CDK6: variants seen among roughly 807,000 people sequenced by gnomAD.
CDK6 encodes the protein cyclin-dependent kinase 6.
In CDK6, 6 loss-of-function variants were observed where a neutral mutation model predicts 37.1. The observed-to-expected ratio is 0.16, with a 90% CI of 0.09 to 0.32. CDK6 has a LOEUF of 0.32. Ranked by LOEUF, CDK6 falls within the 10% of genes least tolerant of loss-of-function variation. CDK6 has a pLI of 1.00. For missense variants in CDK6, 224 were observed against 418.9 expected (o/e 0.53, Z 4.06); for synonymous variants, 160 against 161.3 (o/e 0.99, Z 0.06).
intron 4 of CDK6, among the ~76,000 whole-genome samples, chr7:92,713,667 T>TAAAAAAAA (rs535072218): frequency 5.1e-4 from 34 of 67,180 alleles, no homozygotes; most frequent in East Asian, 1.2e-3. Flanking sequence ...TTAAAAAAAG[T>TAAAAAAAA]AAAAAAAAAA....
At chr7:92,697,862 A>T (rs1797756197) in intron 4 of CDK6, among the ~76,000 whole-genome samples, 1 of 152,216 alleles carries the variant, frequency 6.6e-6, no homozygotes, top group African/African-American at 2.4e-5. Context: ...TTATATATTA[A>T]TTTCACATTT....
At chr7:92,749,322 A>T (rs913846880) in intron 3 of CDK6, among the ~76,000 whole-genome samples, 14 of 152,112 alleles carry the variant, frequency 9.2e-5, no homozygotes, top group African/African-American at 2.4e-4. Flanking sequence ...AAAAAAAATT[A>T]AAAAGTTAGC....
chr7:92,831,120 T>C (rs991154771), intron 2 of CDK6, among the ~76,000 whole-genome samples: 3 of 152,230 alleles, frequency 2.0e-5, no homozygotes, highest in African/African-American at 7.2e-5. Context: ...AATGCCTTTG[T>C]CTTCAGTTCA....
intron 5 of CDK6, among the ~76,000 whole-genome samples, chr7:92,625,208 A>G (rs1370433092): frequency 6.8e-6 from 1 of 146,966 alleles, no homozygotes; most frequent in Non-Finnish European, 1.5e-5. Flanking sequence ...GTTACAATTA[A>G]GTGGTAACTA....
At chr7:92,770,475 C>A (rs538086629) in intron 3 of CDK6, among the ~76,000 whole-genome samples, 1 of 152,076 alleles carries the variant, frequency 6.6e-6, no homozygotes, top group East Asian at 1.9e-4. Flanking sequence ...ACATGAGCAC[C>A]GTGCAATAAT....
At chr7:92,672,778 T>G (rs1279755442) in intron 4 of CDK6, among the ~76,000 whole-genome samples, 1 of 152,214 alleles carries the variant, frequency 6.6e-6, no homozygotes, top group South Asian at 2.1e-4. Context: ...TTATTATGGA[T>G]GTCTATCTAA....
intron 5 of CDK6, among the ~76,000 whole-genome samples, chr7:92,662,916 C>T (rs1796870493): frequency 6.6e-6 from 1 of 152,008 alleles, no homozygotes; most frequent in Non-Finnish European, 1.5e-5. Flanking sequence ...GGATAGAGCA[C>T]CTACAGAAAA....
chr7:92,621,150 A>G lies in CDK6; in HGVS notation c.698+1886T>C, dbSNP rs367854001. Among the ~76,000 whole-genome samples the G allele has an allele frequency of 1.3e-4, 20 of 152,358 alleles. No individual in the cohort carries two copies. The South Asian group carries it at 3.9e-3, about 30-fold the overall frequency. On this transcript the variant is annotated intron_variant, in intron 6 of 7. Transcript: ENST00000424848. ...AATGGCAGTGATGGAGGAGACAGAA[A>G]TATTTTTTCAAGTACTTCAGCAGTG...
intron 3 of CDK6, among the ~76,000 whole-genome samples, chr7:92,726,479 C>T (rs560916219): frequency 9.2e-5 from 14 of 152,156 alleles, no homozygotes; most frequent in Middle Eastern, 3.4e-3. Context: ...GCTGTGATCA[C>T]GGCTCCCTGC....
intron 3 of CDK6, among the ~76,000 whole-genome samples, chr7:92,746,390 C>T (rs1218196763): frequency 6.6e-6 from 1 of 152,120 alleles, no homozygotes; most frequent in African/African-American, 2.4e-5. Context: ...CAAAATGCTC[C>T]AAAATCTAAA....
intron 5 of CDK6, among the ~76,000 whole-genome samples, chr7:92,627,036 T>C (rs1795943297): frequency 1.3e-5 from 2 of 151,974 alleles, no homozygotes; most frequent in Admixed American, 1.3e-4. Context: ...GCATTATTCA[T>C]AATAGCCAAA....
chr7:92,770,681 A>G (rs1455721745), intron 3 of CDK6, among the ~76,000 whole-genome samples: 1 of 152,166 alleles, frequency 6.6e-6, no homozygotes, highest in Non-Finnish European at 1.5e-5. Flanking sequence ...TGATGAAATG[A>G]TAAGCAAAAT....
intron 5 of CDK6, among the ~76,000 whole-genome samples, chr7:92,660,698 T>C (rs551606471): frequency 2.2e-4 from 33 of 152,148 alleles, no homozygotes; most frequent in East Asian, 3.9e-4. Context: ...ATGGGCCAGA[T>C]TGGAGGGGCC....
chr7:92,755,657 C>T (rs1472414411), intron 3 of CDK6, among the ~76,000 whole-genome samples: 2 of 152,150 alleles, frequency 1.3e-5, no homozygotes, highest in African/African-American at 4.8e-5. Flanking sequence ...TCCTGAGTGG[C>T]AAATTGCTGC....
intron 3 of CDK6, among the ~76,000 whole-genome samples, chr7:92,766,515 G>A (rs1799585314): frequency 6.6e-6 from 1 of 152,170 alleles, no homozygotes; most frequent in African/African-American, 2.4e-5. Flanking sequence ...ACGTCAGGCT[G>A]GAGAATAGGT....
chr7:92,711,085 A>G (rs1460021894), intron 4 of CDK6, among the ~76,000 whole-genome samples: 6 of 152,234 alleles, frequency 3.9e-5, no homozygotes, highest in Non-Finnish European at 8.8e-5. Flanking sequence ...TTGAATGTGC[A>G]TTCTTTGTCC....
intron 2 of CDK6, among the ~76,000 whole-genome samples, chr7:92,784,190 T>C (rs1477196597): frequency 6.6e-6 from 1 of 152,152 alleles, no homozygotes; most frequent in African/African-American, 2.4e-5. Flanking sequence ...TGGAATTAAG[T>C]GAACTCCAAG....
chr7:92,653,014 T>G (rs1796611104), intron 5 of CDK6, among the ~76,000 whole-genome samples: 1 of 152,216 alleles, frequency 6.6e-6, no homozygotes. Context: ...GTTGTAGAAT[T>G]TTCCCTATTC....
chr7:92,778,441 A>G (rs1562962736), intron 2 of CDK6, among the ~76,000 whole-genome samples: 1 of 152,250 alleles, frequency 6.6e-6, no homozygotes, highest in Non-Finnish European at 1.5e-5. Flanking sequence ...TAAAGATAGT[A>G]CCATAAATCA....
Sources: allele counts gnomAD v4.1 joint callset (sites outside exome capture counted in the v4.1 genomes callset), GRCh38; gene constraint gnomAD v4.1.1; transcripts MANE v1.5; gene names NCBI Gene and HGNC (gene_info 2026-07-23, HGNC 2026-07-21).